The following TBC1D23 variants were observed in gnomAD, a reference collection of about 807,000 sequenced individuals.
TBC1D23 encodes the protein HCV non-structural protein 4A-transactivated protein 1.
A neutral mutation model predicts 91.4 loss-of-function variants in TBC1D23; 55 were observed. That is an observed-to-expected ratio of 0.60 (90% confidence interval 0.48 to 0.75). The LOEUF (loss-of-function observed/expected upper bound fraction) is 0.75, where lower values mean the gene tolerates loss of function less well. Among genes scored for constraint, TBC1D23 ranks in the 30% least tolerant of loss-of-function variants. TBC1D23 has a pLI of 0.00. For synonymous variants in TBC1D23, 289 were observed against 281.0 expected (o/e 1.03, Z -0.28); for missense variants, 725 against 836.1 (o/e 0.87, Z 1.64).
intron 3 of TBC1D23, among the ~76,000 whole-genome samples, chr3:100,282,937 T>C (rs1465519952): frequency 2.0e-5 from 3 of 152,258 alleles, no homozygotes; most frequent in Non-Finnish European, 4.4e-5. Flanking sequence ...TACTAAGTGC[T>C]AATGTTTAGT....
At chr3:100,306,889 G>C (rs1454636210) in intron 13 of TBC1D23, among the ~76,000 whole-genome samples, 2 of 152,162 alleles carry the variant, frequency 1.3e-5, no homozygotes, top group Non-Finnish European at 2.9e-5. Context: ...CCTGTAAATA[G>C]CTGGGACTCT....
chr3:100,281,738 C>A lies in TBC1D23; in HGVS notation c.166-4C>A. The A allele has an allele frequency of 6.3e-7, 1 of 1,598,056 alleles. No homozygotes were observed. The stretch of plus-strand genomic sequence containing the variant: ...GCTAGTCACTTTTTAAATCTTTCTT[C>A]CAGATTGCTCTGAATGTTGCAGGAA... On this transcript the variant is annotated splice_polypyrimidine_tract_variant and splice_region_variant and intron_variant, in intron 2 of 18. Transcript: ENST00000394144.
rs759516084 is a variant in TBC1D23 at position 100,323,563 on chromosome 3, A to G, written c.2019-24A>G. 15 of 1,229,544 alleles carry G rather than the reference A, an allele frequency of 1.2e-5. No homozygotes were observed. The South Asian group carries it at 1.5e-4, about 12-fold the overall frequency. The allele number at this position is 1,229,544 out of a possible 1,614,324, so 76.2% of individuals were successfully genotyped here. A position where few individuals can be genotyped will look rare whatever the true frequency, so the allele number is the denominator to read the frequency against. ...TACATATGTATATATATATGTATAT[A>G]TATGTATTTTTTTTCCCCCTTAGGT... On this transcript the variant is annotated intron_variant, in intron 18 of 18. Transcript: ENST00000394144.
intron 17 of TBC1D23, 21 bp from the exon 18 acceptor site, chr3:100,320,756 T>C: frequency 7.1e-7 from 1 of 1,415,432 alleles, no homozygotes; most frequent in Non-Finnish European, 9.3e-7. Context: ...CTTTTTCTTT[T>C]AATGCTTTTT....
At chr3:100,292,238 A>G (rs2067798021) in intron 5 of TBC1D23, among the ~76,000 whole-genome samples, 1 of 152,248 alleles carries the variant, frequency 6.6e-6, no homozygotes, top group South Asian at 2.1e-4. Context: ...CGAGGTCCCC[A>G]GACCACACTT....
chr3:100,274,232 A>T (rs1277104315), intron 1 of TBC1D23, among the ~76,000 whole-genome samples: 1 of 152,258 alleles, frequency 6.6e-6, no homozygotes, highest in Middle Eastern at 3.4e-3. Flanking sequence ...CATTGCCCTG[A>T]ATTTTTTGTG....
chr3:100,291,772 A>T, intron 5 of TBC1D23, among the ~76,000 whole-genome samples: 1 of 149,300 alleles, frequency 6.7e-6, no homozygotes, highest in Non-Finnish European at 1.5e-5. Context: ...TCAAAGATGG[A>T]TTATCATATC....
In TBC1D23 at chr3:100,298,100, C is replaced by T. The variant is rs1705338954; in HGVS notation, c.999+55C>T. 2.0e-6 allele frequency: 3 copies of T among 1,494,932 alleles called. No homozygotes were observed. In the South Asian group the frequency reaches 3.7e-5, roughly 18 times the overall value. The allele number at this position is 1,494,932 out of a possible 1,614,324, so 92.6% of individuals were successfully genotyped here. On this transcript the variant is annotated intron_variant, in intron 9 of 18. Coordinates refer to ENST00000394144, the MANE Select transcript of TBC1D23 (RefSeq NM_001199198.3). ...GACTGTTCATTTTAAATACAAGGAACCAACTTCCTCCCTGTTCATTGATTC... is the reference window on the plus strand; with the variant it reads ...GACTGTTCATTTTAAATACAAGGAATCAACTTCCTCCCTGTTCATTGATTC...
intron 17 of TBC1D23, 35 bp from the exon 18 acceptor site, chr3:100,320,742 A>C (rs1178807730): frequency 1.9e-5 from 26 of 1,348,526 alleles, no homozygotes; most frequent in Non-Finnish European, 2.6e-5. Context: ...TTTACTTAAA[A>C]ATTCTTTTTC....
At chr3:100,267,813 TTA>T (rs1179366711) in intron 1 of TBC1D23, among the ~76,000 whole-genome samples, 2 of 152,182 alleles carry the variant, frequency 1.3e-5, no homozygotes, top group African/African-American at 2.4e-5. Context: ...GCGTTACTCT[TTA>T]TATATAATGC....
intron 1 of TBC1D23, chr3:100,261,472 T>A: frequency 5.3e-6 from 1 of 187,874 alleles, no homozygotes; most frequent in African/African-American, 2.3e-5. Context: ...AGAAAAGACG[T>A]TTTGAAATGA....
intron 8 of TBC1D23, 73 bp from the exon 9 acceptor site, chr3:100,297,850 T>G (rs1705332077): frequency 1.5e-6 from 2 of 1,319,052 alleles, no homozygotes; most frequent in South Asian, 1.4e-5. Context: ...TTTATCATGG[T>G]TTAATAAGAA....
chr3:100,264,451 T>C (rs560005844), intron 1 of TBC1D23, among the ~76,000 whole-genome samples: 9 of 152,194 alleles, frequency 5.9e-5, no homozygotes, highest in Non-Finnish European at 1.2e-4. Flanking sequence ...AGTTTACAAA[T>C]GTAAGTGTAA....
At position 100,261,056 on chromosome 3, in the gene TBC1D23, C is replaced by T; in HGVS notation, c.38C>T (p.Ser13Leu). The T allele has an allele frequency of 6.2e-7, 1 of 1,613,800 alleles. No individual in the cohort carries two copies. Among genetic ancestry groups the T allele is most frequent in the Non-Finnish European group, 8.5e-7 (1 of 1,179,706 alleles). Residue 13 changes from serine to leucine, a missense_variant, in exon 1 of 19, where the codon TCG becomes TTG. Coordinates refer to ENST00000394144, the MANE Select transcript of TBC1D23 (RefSeq NM_001199198.3). ...GAAGATGTGCCGCCGCTGCCAACGT[C>T]GAGCGGCGACGGCTGGTGAGTGAAA... ...EGEDVPPLPTSSGDGWEKDLE... is the reference protein window; with the variant it reads ...EGEDVPPLPTLSGDGWEKDLE...
At chr3:100,301,043 G>A (rs1320290871) in intron 10 of TBC1D23, among the ~76,000 whole-genome samples, 1 of 152,006 alleles carries the variant, frequency 6.6e-6, no homozygotes, top group East Asian at 1.9e-4. Context: ...TAATAATGCT[G>A]CATTTGACAT....
chr3:100,293,104 AGTTTGTTT>A (rs56925154), intron 5 of TBC1D23, among the ~76,000 whole-genome samples: 35 of 150,518 alleles, frequency 2.3e-4, no homozygotes, highest in African/African-American at 6.6e-4. Flanking sequence ...TATGCCAGAT[AGTTTGTTT>A]GTTTGTTTGT....
intron 17 of TBC1D23, 42 bp downstream of exon 17, chr3:100,319,246 G>A: frequency 6.4e-7 from 1 of 1,551,540 alleles, no homozygotes; most frequent in South Asian, 1.2e-5. Context: ...AATTGAATTT[G>A]GGGAAGTTAA....
chr3:100,315,990 G>T (rs937307317), intron 15 of TBC1D23, 109 bp from the exon 16 acceptor site: 4 of 840,698 alleles, frequency 4.8e-6, no homozygotes, highest in Non-Finnish European at 6.0e-6. Context: ...TTTTGGGGGG[G>T]TCAGGTAAGG....
At chr3:100,287,377 G>C (rs772388263) in intron 4 of TBC1D23, among the ~76,000 whole-genome samples, 1 of 152,188 alleles carries the variant, frequency 6.6e-6, no homozygotes, top group African/African-American at 2.4e-5. Context: ...ACAGTGCCTT[G>C]TACTTGAGAG....
Sources: gnomAD v4.1 joint callset for allele counts (sites outside exome capture counted in the v4.1 genomes callset) on GRCh38, gnomAD v4.1.1 for gene constraint, MANE v1.5 for transcripts, NCBI Gene and HGNC (gene_info 2026-07-23, HGNC 2026-07-21) for gene names.